PRTFDC1: variants seen among roughly 807,000 people sequenced by gnomAD.
PRTFDC1 encodes phosphoribosyl transferase domain containing 1, also known as phosphoribosyltransferase domain-containing protein 1.
PRTFDC1 carries 38 observed loss-of-function variants against 34.6 expected under a neutral mutation model. The observed-to-expected ratio is 1.10, with a 90% CI of 0.85 to 1.44. The LOEUF (loss-of-function observed/expected upper bound fraction) is 1.44, where lower values mean the gene tolerates loss of function less well. PRTFDC1 is among the 40% of genes most tolerant of loss of function. The pLI is 0.00. For synonymous variants in PRTFDC1, 93 were observed against 98.1 expected (o/e 0.95, Z 0.31); for missense variants, 270 against 283.0 (o/e 0.95, Z 0.33).
rs552033834 is a variant in PRTFDC1, at chr10:24,860,312, C to T, written c.406-1903G>A. ...GGGAGAATCACTTGAAACCGGGAGGCGGAGGTTGCAGTGAACCAAGATTGC... is the reference window on the plus strand; with the variant it reads ...GGGAGAATCACTTGAAACCGGGAGGTGGAGGTTGCAGTGAACCAAGATTGC... On this transcript the variant is annotated intron_variant, in intron 4 of 8. Coordinates refer to ENST00000320152, the MANE Select transcript of PRTFDC1 (RefSeq NM_020200.7). Among the ~76,000 whole-genome samples, 7 of 152,162 alleles carry T rather than the reference C, an allele frequency of 4.6e-5. No homozygotes were observed. In the East Asian group the frequency reaches 7.7e-4, roughly 17 times the overall value.
chr10:24,882,598 T>C (rs1008384709), intron 3 of PRTFDC1, among the ~76,000 whole-genome samples: 1 of 152,206 alleles, frequency 6.6e-6, no homozygotes, highest in African/African-American at 2.4e-5. Context: ...CCACCCAAAC[T>C]ACATTTCTTT....
intron 5 of PRTFDC1, among the ~76,000 whole-genome samples, chr10:24,857,881 AAAAC>A (rs1224567910): frequency 6.6e-6 from 1 of 152,194 alleles, no homozygotes; most frequent in Non-Finnish European, 1.5e-5. Context: ...TTTTAACAGA[AAAAC>A]AAAAGTTAAA....
intron 6 of PRTFDC1, among the ~76,000 whole-genome samples, chr10:24,856,097 G>A (rs9417400): frequency 0.23 from 27,316 of 116,652 alleles, 3,395 homozygotes; most frequent in Middle Eastern, 0.32. Flanking sequence ...CTGGGTGACA[G>A]AGCAAGACTC....
chr10:24,859,053 CT>C (rs1847630390), intron 4 of PRTFDC1, among the ~76,000 whole-genome samples: 1 of 152,166 alleles, frequency 6.6e-6, no homozygotes, highest in Non-Finnish European at 1.5e-5. Context: ...CTGCACAAAT[CT>C]CATGTTGAAG....
At chr10:24,855,665 C>T (rs1310622416) in intron 6 of PRTFDC1, among the ~76,000 whole-genome samples, 1 of 151,926 alleles carries the variant, frequency 6.6e-6, no homozygotes, top group Non-Finnish European at 1.5e-5. Flanking sequence ...TGTGGTGGCA[C>T]CTGCCTGTAG....
intron 3 of PRTFDC1, among the ~76,000 whole-genome samples, chr10:24,878,852 G>A (rs564398795): frequency 4.6e-5 from 7 of 152,232 alleles, no homozygotes; most frequent in Admixed American, 2.6e-4. Context: ...GAGTCAGAGC[G>A]CAACTTGCTT....
chr10:24,886,621 A>C (rs1848168757), intron 3 of PRTFDC1, among the ~76,000 whole-genome samples: 1 of 151,762 alleles, frequency 6.6e-6, no homozygotes, highest in African/African-American at 2.4e-5. Flanking sequence ...TTCTTTTTTT[A>C]CCCCCTTACA....
chr10:24,884,160 T>TA (rs72415102), intron 3 of PRTFDC1, among the ~76,000 whole-genome samples: 69,026 of 146,300 alleles, frequency 0.47, 16,513 homozygotes, highest in Non-Finnish European at 0.54. Context: ...CACAATTGTT[T>TA]AAAAAAAAAA....
At chr10:24,885,162 CA>C (rs1588591262) in intron 3 of PRTFDC1, among the ~76,000 whole-genome samples, 1 of 152,216 alleles carries the variant, frequency 6.6e-6, no homozygotes, top group East Asian at 1.9e-4. Context: ...ACTATTTCAG[CA>C]AAGGGTATGT....
At chr10:24,926,088 C>G (rs967900026) in intron 3 of PRTFDC1, among the ~76,000 whole-genome samples, 36 of 152,200 alleles carry the variant, frequency 2.4e-4, no homozygotes. Flanking sequence ...AGTCCTTTTC[C>G]TCTTCCACAG....
intron 8 of PRTFDC1, 69 bp from the exon 9 acceptor site, chr10:24,849,960 G>T: frequency 7.0e-7 from 1 of 1,436,864 alleles, no homozygotes. Flanking sequence ...AGGTGATGCA[G>T]TAATAACCGA....
intron 3 of PRTFDC1, among the ~76,000 whole-genome samples, chr10:24,896,435 C>A (rs528389659): frequency 6.6e-6 from 1 of 152,138 alleles, no homozygotes; most frequent in Non-Finnish European, 1.5e-5. Context: ...ACAAAAAGGT[C>A]GGGGACTGCT....
At chr10:24,890,233 G>A (rs1294364399) in intron 3 of PRTFDC1, among the ~76,000 whole-genome samples, 2 of 152,168 alleles carry the variant, frequency 1.3e-5, no homozygotes, top group African/African-American at 2.4e-5. Context: ...TGTGAGGTTC[G>A]ATATCAGAAG....
In PRTFDC1 at chr10:24,942,351, G is replaced by C. The variant is rs767453337; in HGVS notation, c.134C>G (p.Pro45Arg). Residue 45 changes from proline (P) to arginine (R), a missense_variant, in exon 2 of 9, where the codon CCT becomes CGT. Physicochemically the swap from Pro to Arg is moderately radical, Grantham distance 103. Transcript: ENST00000320152. ...YYGDLEYVLI[P>R]HGIIVDRIER... ...TCACCTGTCCACAATGATACCATGA[G>C]GGATGAGGACATACTCCAAGTCTCC... The C allele has an allele frequency of 1.9e-6, 3 of 1,612,196 alleles. No individual in the cohort carries two copies. Among genetic ancestry groups the C allele is most frequent in the Admixed American group, 3.3e-5 (2 of 60,004 alleles).
At chr10:24,857,290 CTTGTG>C (rs1316410432) in intron 5 of PRTFDC1, among the ~76,000 whole-genome samples, 1 of 152,150 alleles carries the variant, frequency 6.6e-6, no homozygotes, top group African/African-American at 2.4e-5. Context: ...TACACTTGGA[CTTGTG>C]TCTGCACATT....
At chr10:24,939,793 C>CAAA (rs55974992) in intron 2 of PRTFDC1, among the ~76,000 whole-genome samples, 13 of 71,522 alleles carry the variant, frequency 1.8e-4, no homozygotes, top group East Asian at 8.1e-4. Context: ...GACTCTATCT[C>CAAA]AAAAAAAAAA....
At chr10:24,911,632 C>T (rs977206799) in intron 3 of PRTFDC1, among the ~76,000 whole-genome samples, 3 of 152,120 alleles carry the variant, frequency 2.0e-5, no homozygotes, top group Non-Finnish European at 4.4e-5. Context: ...CTTTGGGAGG[C>T]CCAGGCAGGT....
At chr10:24,926,802 G>C (rs1320661550) in intron 3 of PRTFDC1, among the ~76,000 whole-genome samples, 1 of 152,186 alleles carries the variant, frequency 6.6e-6, no homozygotes, top group Admixed American at 6.5e-5. Flanking sequence ...AGTCAGCTAA[G>C]TTGAGCACAG....
chr10:24,922,082 G>A (rs146469440), intron 3 of PRTFDC1, among the ~76,000 whole-genome samples: 1 of 151,856 alleles, frequency 6.6e-6, no homozygotes, highest in Non-Finnish European at 1.5e-5. Flanking sequence ...TTATTTCCTG[G>A]TAACTTTCCT....
Sources: gnomAD v4.1 joint callset for allele counts (sites outside exome capture counted in the v4.1 genomes callset) on GRCh38, gnomAD v4.1.1 for gene constraint, MANE v1.5 for transcripts, NCBI Gene and HGNC (gene_info 2026-07-23, HGNC 2026-07-21) for gene names.